The following VOPP1 variants were observed in gnomAD, a reference collection of about 807,000 sequenced individuals.
VOPP1 encodes the protein VOPP1 WW domain binding protein, also known as WW domain binding protein VOPP1.
In VOPP1, 8 loss-of-function variants were observed where a neutral mutation model predicts 23.5. The ratio of observed to expected loss-of-function variants is 0.34; its 90% CI spans 0.20 to 0.61. The LOEUF (loss-of-function observed/expected upper bound fraction) is 0.61. Among genes scored for constraint, VOPP1 ranks in the 20% least tolerant of loss-of-function variants. The pLI, the probability that VOPP1 is intolerant of heterozygous loss-of-function variation, is 0.78. For missense variants in VOPP1, 174 were observed against 238.1 expected (o/e 0.73, Z 1.77); for synonymous variants, 83 against 97.3 (o/e 0.85, Z 0.86).
chr7:55,450,679 G>A (rs1791221272), intron 4 of VOPP1, among the ~76,000 whole-genome samples: 2 of 152,162 alleles, frequency 1.3e-5, no homozygotes, highest in South Asian at 2.1e-4. Flanking sequence ...GACAGCACTG[G>A]TAAAGAATAT....
downstream of VOPP1, among the ~76,000 whole-genome samples, chr7:55,467,705 A>G (rs969441904): frequency 6.6e-6 from 1 of 152,202 alleles, no homozygotes; most frequent in Admixed American, 6.5e-5. Flanking sequence ...GTCTGCTTCC[A>G]TTTTACTGGA....
intron 1 of VOPP1, among the ~76,000 whole-genome samples, chr7:55,539,960 C>T (rs953604601): frequency 3.4e-5 from 5 of 146,940 alleles, no homozygotes; most frequent in African/African-American, 1.2e-4. Context: ...AATAAGGAAA[C>T]AGCAGGAACA....
intron 4 of VOPP1, among the ~76,000 whole-genome samples, chr7:55,478,745 A>T (rs1792462024): frequency 6.6e-6 from 1 of 152,238 alleles, no homozygotes; most frequent in African/African-American, 2.4e-5. Flanking sequence ...TTCCTCACAG[A>T]TTCATGTATC....
chr7:55,515,615 C>G (rs1012603302), intron 2 of VOPP1, among the ~76,000 whole-genome samples: 1 of 152,208 alleles, frequency 6.6e-6, no homozygotes, highest in Non-Finnish European at 1.5e-5. Context: ...ACCACGACCA[C>G]ACCTTTTTTA....
chr7:55,464,582 T>G (rs1362107985), intron 4 of VOPP1, among the ~76,000 whole-genome samples: 1 of 152,170 alleles, frequency 6.6e-6, no homozygotes, highest in African/African-American at 2.4e-5. Flanking sequence ...GCCTCCCCAG[T>G]GCACAGTACC....
chr7:55,563,020 C>T (rs1208124227), intron 1 of VOPP1, among the ~76,000 whole-genome samples: 1 of 152,186 alleles, frequency 6.6e-6, no homozygotes, highest in Non-Finnish European at 1.5e-5. Context: ...TCGTCCATCT[C>T]ACTCAGAAAT....
At chr7:55,461,242 T>C (rs935130651) in intron 4 of VOPP1, among the ~76,000 whole-genome samples, 1 of 151,678 alleles carries the variant, frequency 6.6e-6, no homozygotes, top group Non-Finnish European at 1.5e-5. Flanking sequence ...GGGGAAAGGG[T>C]GGGAAGGGGG....
rs528554553 is a variant in VOPP1, at chr7:55,484,503, G to A, written c.328+7779C>T. Reference sequence around the variant, plus strand: ...CTGAGGACAGCACCATGTCCTCAGTGGAGTGGTCTCTGTGCCAGCCAGCTG... The same window carrying A: ...CTGAGGACAGCACCATGTCCTCAGTAGAGTGGTCTCTGTGCCAGCCAGCTG... On this transcript the variant is annotated intron_variant, in intron 4 of 4. Transcript: ENST00000285279. 2.6e-5 allele frequency among the ~76,000 whole-genome samples: 4 copies of A among 152,294 alleles called. No individual in the cohort carries two copies. The East Asian group carries it at 7.7e-4, about 29-fold the overall frequency.
At position 55,572,347 on chromosome 7, in the gene VOPP1, G is replaced by T. The variant is rs539102192; in HGVS notation, c.-23C>A. The T allele has an allele frequency of 2.7e-4, 367 of 1,342,664 alleles. 1 individual carries two copies. The African/African-American group carries it at 5.2e-3, about 19-fold the overall frequency. The allele number at this position is 1,342,664 out of a possible 1,614,324, so 83.2% of individuals were successfully genotyped here. On this transcript the variant is annotated 5_prime_UTR_variant, in exon 1 of 5. Coordinates refer to ENST00000285279, the MANE Select transcript of VOPP1 (RefSeq NM_030796.5). Reference sequence around the variant, plus strand: ...CATGGCTCCTCGCGTCCTCTCCAGCGCGCCCGGACGCCGGGTCGCAGGCGC... The same window carrying T: ...CATGGCTCCTCGCGTCCTCTCCAGCTCGCCCGGACGCCGGGTCGCAGGCGC...
At chr7:55,470,582 C>T (rs1035217570), downstream of VOPP1, 1 of 152,270 alleles carries the variant, frequency 6.6e-6, no homozygotes, top group African/African-American at 2.4e-5. Flanking sequence ...CACCCTCTTT[C>T]CCACTCCCCC....
chr7:55,522,411 A>G (rs1224131957), intron 1 of VOPP1, among the ~76,000 whole-genome samples: 2 of 152,212 alleles, frequency 1.3e-5, no homozygotes, highest in African/African-American at 4.8e-5. Context: ...TATTTAGACT[A>G]GGTTAGCTCC....
At chr7:55,478,040 C>T (rs75885827) in intron 4 of VOPP1, among the ~76,000 whole-genome samples, 1,826 of 152,308 alleles carry the variant, frequency 0.012, 13 homozygotes, top group Admixed American at 0.021. Context: ...CAGGCTCCCA[C>T]AAAGAAGAGC....
At chr7:55,512,318 C>G (rs1028852750) in intron 2 of VOPP1, among the ~76,000 whole-genome samples, 1 of 151,966 alleles carries the variant, frequency 6.6e-6, no homozygotes, top group South Asian at 2.1e-4. Context: ...CCCAGCTACC[C>G]AGGAGGCTGA....
intron 1 of VOPP1, among the ~76,000 whole-genome samples, chr7:55,546,116 T>C (rs1797357288): frequency 6.6e-6 from 1 of 152,030 alleles, no homozygotes; most frequent in African/African-American, 2.4e-5. Flanking sequence ...AACGGAAGGA[T>C]TTACTAAGCC....
At chr7:55,531,981 C>T (rs1269155920) in intron 1 of VOPP1, among the ~76,000 whole-genome samples, 1 of 152,236 alleles carries the variant, frequency 6.6e-6, no homozygotes, top group African/African-American at 2.4e-5. Flanking sequence ...ATAAGTGGAG[C>T]AGCTTCAAGG....
chr7:55,460,234 G>T (rs1374729312), intron 4 of VOPP1, among the ~76,000 whole-genome samples: 2 of 152,154 alleles, frequency 1.3e-5, no homozygotes, highest in African/African-American at 4.8e-5. Context: ...AAAGATGCTT[G>T]ATTTGATCTT....
rs563194594 is a variant in VOPP1, at chr7:55,485,198, T to C, written c.328+7084A>G. The stretch of plus-strand genomic sequence containing the variant: ...ATTAAGCTCCTGGCTTTGTTTTCAG[T>C]AATCATCATCACGTGCGCAGGTCTC... On this transcript the variant is annotated intron_variant, in intron 4 of 4. Transcript: ENST00000285279. 4.6e-5 allele frequency among the ~76,000 whole-genome samples: 7 copies of C among 152,322 alleles called. No homozygotes were observed. In the South Asian group the frequency reaches 1.5e-3, roughly 32 times the overall value.
At chr7:55,451,170 G>A (rs1219741588) in intron 4 of VOPP1, among the ~76,000 whole-genome samples, 3 of 152,124 alleles carry the variant, frequency 2.0e-5, no homozygotes, top group African/African-American at 7.2e-5. Context: ...CCATTTATAG[G>A]AGGGCACTGG....
chr7:55,480,001 C>A (rs815964), intron 4 of VOPP1, among the ~76,000 whole-genome samples: 1 of 152,026 alleles, frequency 6.6e-6, no homozygotes, highest in Admixed American at 6.5e-5. Flanking sequence ...ATAAAACGAT[C>A]TTTTGTTAAG....
Sources: gnomAD v4.1 joint callset for allele counts (sites outside exome capture counted in the v4.1 genomes callset) on GRCh38, gnomAD v4.1.1 for gene constraint, MANE v1.5 for transcripts, NCBI Gene and HGNC (gene_info 2026-07-23, HGNC 2026-07-21) for gene names.